Variants in ZEB2 observed in about 807,000 individuals in gnomAD.
ZEB2 encodes the protein zinc finger E-box binding homeobox 2, also known as zinc finger E-box-binding homeobox 2.
A neutral mutation model predicts 99.9 loss-of-function variants in ZEB2; 6 were observed. The observed-to-expected ratio is 0.06, with a 90% CI of 0.03 to 0.12. ZEB2 has a LOEUF of 0.12. Among genes scored for constraint, ZEB2 ranks in the 10% least tolerant of loss-of-function variants. ZEB2 has a pLI of 1.00. For synonymous variants in ZEB2, 517 were observed against 542.5 expected (o/e 0.95, Z 0.65); for missense variants, 969 against 1,502.8 (o/e 0.64, Z 5.87).
At chr2:144,508,361 C>T (rs969552316) in intron 2 of ZEB2, among the ~76,000 whole-genome samples, 1 of 152,122 alleles carries the variant, frequency 6.6e-6, no homozygotes, top group Non-Finnish European at 1.5e-5. Flanking sequence ...AGTAGATCTG[C>T]GCTGTCAAAT....
At chr2:144,437,498 A>G (rs1467874193) in intron 2 of ZEB2, among the ~76,000 whole-genome samples, 1 of 152,184 alleles carries the variant, frequency 6.6e-6, no homozygotes, top group Non-Finnish European at 1.5e-5. Context: ...TATACAAACC[A>G]TCAGAAGGAA....
intron 4 of ZEB2, among the ~76,000 whole-genome samples, chr2:144,422,920 ATTAGTC>A (rs1703639400): frequency 1.3e-5 from 2 of 152,178 alleles, no homozygotes; most frequent in African/African-American, 2.4e-5. Context: ...TTTCAGGTGT[ATTAGTC>A]TCATCTTCCA....
chr2:144,434,184 T>C (rs1703808185), intron 2 of ZEB2, among the ~76,000 whole-genome samples: 1 of 152,190 alleles, frequency 6.6e-6, no homozygotes. Flanking sequence ...GAAAATTACA[T>C]ATGCAGCTTA....
intron 2 of ZEB2, among the ~76,000 whole-genome samples, chr2:144,455,900 T>A (rs1446451914): frequency 6.6e-6 from 1 of 152,094 alleles, no homozygotes; most frequent in Non-Finnish European, 1.5e-5. Flanking sequence ...CCCCAAGAAG[T>A]TACAGCTTTG....
intron 2 of ZEB2, among the ~76,000 whole-genome samples, chr2:144,456,917 C>T (rs2149902368): frequency 6.6e-6 from 1 of 152,210 alleles, no homozygotes; most frequent in African/African-American, 2.4e-5. Flanking sequence ...GTCACCTGAC[C>T]TCGAAGTTTC....
intron 9 of ZEB2, among the ~76,000 whole-genome samples, chr2:144,391,482 T>C (rs1340905074): frequency 6.6e-6 from 1 of 152,226 alleles, no homozygotes; most frequent in East Asian, 1.9e-4. Context: ...GCAAGTATAA[T>C]TCAAACCACA....
chr2:144,416,911 C>T (rs1703546707), intron 4 of ZEB2, among the ~76,000 whole-genome samples: 1 of 152,206 alleles, frequency 6.6e-6, no homozygotes, highest in Non-Finnish European at 1.5e-5. Context: ...ACTTACATAG[C>T]TTGCTGTATT....
chr2:144,452,593 C>G (rs756207226), intron 2 of ZEB2, among the ~76,000 whole-genome samples: 4 of 152,276 alleles, frequency 2.6e-5, no homozygotes, highest in African/African-American at 7.2e-5. Flanking sequence ...AGCTCTGCTC[C>G]GGCGGTAATG....
At chr2:144,420,069 C>T (rs1703599450) in intron 4 of ZEB2, among the ~76,000 whole-genome samples, 1 of 152,202 alleles carries the variant, frequency 6.6e-6, no homozygotes, top group South Asian at 2.1e-4. Flanking sequence ...GAATCCATTT[C>T]TTCTCCACCA....
At chr2:144,451,519 G>C (rs1573761998) in intron 2 of ZEB2, among the ~76,000 whole-genome samples, 1 of 152,180 alleles carries the variant, frequency 6.6e-6, no homozygotes, top group East Asian at 1.9e-4. Flanking sequence ...TGATTTGAAG[G>C]TGTACTAGGA....
chr2:144,415,104 G>A (rs974238596), intron 4 of ZEB2, among the ~76,000 whole-genome samples: 4 of 151,314 alleles, frequency 2.6e-5, no homozygotes, highest in African/African-American at 7.3e-5. Flanking sequence ...GGGTCTAGTG[G>A]GGCAAAGAGA....
intron 2 of ZEB2, among the ~76,000 whole-genome samples, chr2:144,455,825 T>C (rs796171512): frequency 2.6e-4 from 39 of 152,282 alleles, no homozygotes; most frequent in African/African-American, 8.9e-4. Flanking sequence ...GTAAGTTTAA[T>C]ATCTTTCCTA....
intron 2 of ZEB2, among the ~76,000 whole-genome samples, chr2:144,450,670 C>CT (rs902221471): frequency 5.9e-5 from 9 of 151,916 alleles, no homozygotes. Context: ...GAGTATGGTG[C>CT]TTTTTTTGTT....
chr2:144,452,772 G>T (rs954436569), intron 2 of ZEB2, among the ~76,000 whole-genome samples: 1 of 152,112 alleles, frequency 6.6e-6, no homozygotes, highest in Admixed American at 6.5e-5. Context: ...GCCAGGCAGC[G>T]AGAAGGGCTT....
chr2:144,476,527 G>A (rs570475814), intron 2 of ZEB2, among the ~76,000 whole-genome samples: 1 of 152,148 alleles, frequency 6.6e-6, no homozygotes, highest in Non-Finnish European at 1.5e-5. Flanking sequence ...AGAAGATCAG[G>A]AACACTGGGC....
chr2:144,406,328 G>A (rs541476624), intron 4 of ZEB2, among the ~76,000 whole-genome samples: 6 of 152,224 alleles, frequency 3.9e-5, no homozygotes, highest in East Asian at 1.9e-4. Context: ...CTCATCCTTC[G>A]GGAAGCCATG....
chr2:144,452,104 C>A (rs1163008435), intron 2 of ZEB2, among the ~76,000 whole-genome samples: 2 of 152,188 alleles, frequency 1.3e-5, no homozygotes, highest in East Asian at 3.9e-4. Flanking sequence ...CGTACTGTAT[C>A]TTTGCTGACT....
intron 2 of ZEB2, among the ~76,000 whole-genome samples, chr2:144,469,313 G>A (rs938425677): frequency 6.6e-6 from 1 of 152,064 alleles, no homozygotes; most frequent in Non-Finnish European, 1.5e-5. Flanking sequence ...TAGTACTACT[G>A]GTAGCTTTCT....
At chr2:144,514,701 C>T (rs932012509) in intron 2 of ZEB2, among the ~76,000 whole-genome samples, 4 of 152,160 alleles carry the variant, frequency 2.6e-5, no homozygotes, top group Non-Finnish European at 5.9e-5. Context: ...AAAACACTTA[C>T]AATAACCAGT....
Sources: allele counts gnomAD v4.1 joint callset (sites outside exome capture counted in the v4.1 genomes callset), GRCh38; gene constraint gnomAD v4.1.1; transcripts MANE v1.5; gene names NCBI Gene and HGNC (gene_info 2026-07-23, HGNC 2026-07-21).